The following TRMT10B variants were observed in gnomAD, a reference collection of about 807,000 sequenced individuals.
The protein encoded by TRMT10B is tRNA methyltransferase 10 homolog B.
TRMT10B carries 33 observed loss-of-function variants against 43.8 expected under a neutral mutation model. The observed-to-expected ratio is 0.75, with a 90% CI of 0.57 to 1.01. The LOEUF is 1.01. TRMT10B is among the 50% of genes least tolerant of loss of function. The pLI is 0.00. For synonymous variants in TRMT10B, 137 were observed against 130.6 expected, an observed-to-expected ratio of 1.05 and a Z score of -0.34; for missense variants, 362 against 369.8, an observed-to-expected ratio of 0.98 and a Z score of 0.17.
At chr9:37,771,128 C>G (rs1827527341) in intron 7 of TRMT10B, among the ~76,000 whole-genome samples, 1 of 152,212 alleles carries the variant, frequency 6.6e-6, no homozygotes, top group African/African-American at 2.4e-5. Flanking sequence ...CCCAAAACCT[C>G]AAACTCCTAG....
At chr9:37,773,456 C>A (rs4382556) in intron 7 of TRMT10B, among the ~76,000 whole-genome samples, 52,953 of 152,018 alleles carry the variant, frequency 0.35, 9,331 homozygotes, top group African/African-American at 0.37. Context: ...GAAAAAGCAA[C>A]ATATTAACAA....
intron 4 of TRMT10B, among the ~76,000 whole-genome samples, chr9:37,764,895 C>A (rs1319408470): frequency 6.6e-6 from 1 of 152,030 alleles, no homozygotes; most frequent in African/African-American, 2.4e-5. Context: ...ATACTGTATA[C>A]CATACAGGGC....
intron 1 of TRMT10B, among the ~76,000 whole-genome samples, chr9:37,757,951 C>T (rs1825897485): frequency 6.6e-6 from 1 of 151,626 alleles, no homozygotes; most frequent in African/African-American, 2.4e-5. Context: ...AAACTGAAAA[C>T]AACTAAAGTT....
upstream of TRMT10B, among the ~76,000 whole-genome samples, chr9:37,753,272 T>C (rs936104759): frequency 3.3e-5 from 5 of 152,190 alleles, no homozygotes; most frequent in African/African-American, 1.2e-4. Context: ...ATCCACCATT[T>C]CCGGACACAA....
chr9:37,756,436 G>A (rs2118671171), intron 1 of TRMT10B, among the ~76,000 whole-genome samples: 1 of 151,956 alleles, frequency 6.6e-6, no homozygotes, highest in Non-Finnish European at 1.5e-5. Context: ...GCTGGGTGCG[G>A]TGGCTCACTC....
At chr9:37,757,064 A>T (rs757339652) in intron 1 of TRMT10B, among the ~76,000 whole-genome samples, 1 of 151,670 alleles carries the variant, frequency 6.6e-6, no homozygotes, top group African/African-American at 2.4e-5. Context: ...AGTGCTTCTG[A>T]AATGTTTAAG....
At chr9:37,757,822 CTA>C (rs1372870286) in intron 1 of TRMT10B, among the ~76,000 whole-genome samples, 2 of 152,316 alleles carry the variant, frequency 1.3e-5, no homozygotes, top group East Asian at 1.9e-4. Flanking sequence ...TGGAGAGACT[CTA>C]TGGCAGAGAC....
chr9:37,759,289 C>T (rs1826046407), intron 1 of TRMT10B, among the ~76,000 whole-genome samples: 1 of 152,156 alleles, frequency 6.6e-6, no homozygotes, highest in Non-Finnish European at 1.5e-5. Flanking sequence ...TGGAATGCTA[C>T]TCAGCAATAA....
rs374674010 is a variant in TRMT10B, at chr9:37,771,323, TCCTA to T, written c.720+588_720+591del. Among the ~76,000 whole-genome samples the T allele has an allele frequency of 5.9e-5, 9 of 152,336 alleles. No individual in the cohort carries two copies. The East Asian group carries it at 1.3e-3, about 23-fold the overall frequency. ...TATAAAAGAGTAGAATGAAAGTCTTTCCTACCTTTGTCTCCCAATTCCCCTCCCC... is the reference window on the plus strand; with the variant it reads ...TATAAAAGAGTAGAATGAAAGTCTTTCCTTTGTCTCCCAATTCCCCTCCCC... On this transcript the variant is annotated intron_variant, in intron 7 of 8. Transcript: ENST00000297994.
intron 3 of TRMT10B, among the ~76,000 whole-genome samples, chr9:37,762,914 G>A (rs1199326614): frequency 6.7e-6 from 1 of 148,896 alleles, no homozygotes; most frequent in African/African-American, 2.5e-5. Flanking sequence ...GGGTGGATTT[G>A]CGAGGTCAGG....
chr9:37,769,269 C>T (rs1192822388), intron 5 of TRMT10B, among the ~76,000 whole-genome samples: 8 of 137,642 alleles, frequency 5.8e-5, no homozygotes, highest in South Asian at 4.6e-4. Flanking sequence ...GATTATGCCA[C>T]GGCACTCCAG....
chr9:37,762,943 A>G (rs1359086327), intron 3 of TRMT10B, among the ~76,000 whole-genome samples: 3 of 147,702 alleles, frequency 2.0e-5, no homozygotes, highest in African/African-American at 7.5e-5. Context: ...ACCGTCCTGG[A>G]TAACACGGTG....
At chr9:37,753,134 C>T (rs376286129), upstream of TRMT10B, among the ~76,000 whole-genome samples, 29 of 151,928 alleles carry the variant, frequency 1.9e-4, no homozygotes, top group East Asian at 7.8e-4. Flanking sequence ...CGAAGATCTG[C>T]AGCTTCACTC....
intron 7 of TRMT10B, 147 bp from the exon 8 acceptor site, chr9:37,776,135 T>C: frequency 4.5e-6 from 3 of 673,894 alleles, no homozygotes; most frequent in East Asian, 6.8e-5. Context: ...AAGTAAGATA[T>C]TGTCACATAA....
intron 7 of TRMT10B, among the ~76,000 whole-genome samples, chr9:37,771,618 AG>A (rs1213426543): frequency 6.6e-6 from 1 of 152,246 alleles, no homozygotes; most frequent in African/African-American, 2.4e-5. Context: ...GCAGCTAATA[AG>A]GAATGCATAA....
chr9:37,753,219 G>A (rs118140353), upstream of TRMT10B, among the ~76,000 whole-genome samples: 209 of 152,310 alleles, frequency 1.4e-3, 3 homozygotes, highest in East Asian at 0.036. Flanking sequence ...TTGTAACACC[G>A]CGATGGTCCG....
At chr9:37,762,266 G>A (rs1309180059) in intron 2 of TRMT10B, 149 bp downstream of exon 2, 3 of 1,049,012 alleles carry the variant, frequency 2.9e-6, no homozygotes, top group Non-Finnish European at 4.0e-6. Context: ...CTGGTTTAAA[G>A]TTTTAGTTCC....
rs1250656778 is a variant in TRMT10B, at chr9:37,763,728, G to A, written c.395G>A (p.Ser132Asn). 1.2e-6 allele frequency: 2 copies of A among 1,614,112 alleles called. No individual in the cohort carries two copies. The highest frequency in any genetic ancestry group is 2.2e-5 in the South Asian group (2 of 91,076). The change falls in exon 4 of 9, where the codon AGT (serine) becomes AAT (asparagine). Residue 132 changes from serine to asparagine, a missense_variant. Coordinates refer to ENST00000297994, the MANE Select transcript of TRMT10B (RefSeq NM_144964.4). The stretch of plus-strand genomic sequence containing the variant: ...GGACCAAGACTATGTATCGATTTGA[G>A]TATGACCCACTACATGTCAAAGAAG... ...HSGPRLCIDL[S>N]MTHYMSKKEL...
At chr9:37,763,160 A>C (rs146193719) in intron 3 of TRMT10B, among the ~76,000 whole-genome samples, 10,745 of 127,888 alleles carry the variant, frequency 0.084, 510 homozygotes, top group Non-Finnish European at 0.13. Flanking sequence ...AAAAAAAAAA[A>C]AAAAACAAAA....
Sources: gnomAD v4.1 joint callset for allele counts (sites outside exome capture counted in the v4.1 genomes callset) on GRCh38, gnomAD v4.1.1 for gene constraint, MANE v1.5 for transcripts, NCBI Gene and HGNC (gene_info 2026-07-23, HGNC 2026-07-21) for gene names.